Variants in CCDC63 observed in about 807,000 individuals in gnomAD.
CCDC63 encodes the protein coiled-coil domain-containing protein 63.
In CCDC63, 54 loss-of-function variants were observed where a neutral mutation model predicts 63.6. The ratio of observed to expected loss-of-function variants is 0.85; its 90% CI spans 0.68 to 1.07. The LOEUF is 1.07. Ranked by LOEUF, CCDC63 falls within the 50% of genes least tolerant of loss-of-function variation. The pLI is 0.00. For synonymous variants in CCDC63, 253 were observed against 266.1 expected (o/e 0.95, Z 0.48); for missense variants, 637 against 689.6 (o/e 0.92, Z 0.86).
chr12:110,892,975 A>C, intron 8 of CCDC63, 101 bp from the exon 9 acceptor site: 1 of 909,240 alleles, frequency 1.1e-6, no homozygotes, highest in Non-Finnish European at 1.7e-6. Flanking sequence ...GAAACGGATC[A>C]TTGAAATCCT....
intron 10 of CCDC63, among the ~76,000 whole-genome samples, chr12:110,904,206 G>A (rs1206797951): frequency 6.6e-6 from 1 of 151,992 alleles, no homozygotes; most frequent in African/African-American, 2.4e-5. Context: ...GCTGGGCACG[G>A]TGTCATATGT....
rs73421321 is a variant in CCDC63, at chr12:110,853,941, C to G, written c.179+367C>G. Among the ~76,000 whole-genome samples, 996 of 152,242 alleles carry G rather than the reference C, an allele frequency of 6.5e-3. 6 individuals carry two copies. The highest frequency in any genetic ancestry group is 0.022 in the African/African-American group (901 of 41,532). On this transcript the variant is annotated intron_variant, in intron 3 of 11. Coordinates refer to ENST00000308208, the MANE Select transcript of CCDC63 (RefSeq NM_152591.3). ...CCTCAGCTGGTGGGAAGTGGCTGCT[C>G]CAGCTCTCAAGTTTACCAGCTGCAC...
intron 4 of CCDC63, among the ~76,000 whole-genome samples, chr12:110,861,674 C>T (rs1473838349): frequency 1.3e-5 from 2 of 151,748 alleles, no homozygotes; most frequent in South Asian, 2.1e-4. Context: ...TGGGTTCAAG[C>T]GATTCTCCTG....
intron 9 of CCDC63, among the ~76,000 whole-genome samples, chr12:110,896,304 C>G (rs993994631): frequency 2.6e-5 from 4 of 152,112 alleles, no homozygotes; most frequent in African/African-American, 9.7e-5. Flanking sequence ...CCATGCCTGG[C>G]CTAATGCATC....
chr12:110,880,779 A>G (rs367704410), intron 6 of CCDC63, among the ~76,000 whole-genome samples: 9 of 45,584 alleles, frequency 2.0e-4, no homozygotes, highest in Non-Finnish European at 3.1e-4. Flanking sequence ...GATAATGATG[A>G]TGGTGGTGAT....
intron 4 of CCDC63, among the ~76,000 whole-genome samples, chr12:110,867,404 C>G (rs1475114344): frequency 8.0e-6 from 1 of 124,650 alleles, no homozygotes; most frequent in Non-Finnish European, 1.7e-5. Flanking sequence ...GGGGGGCTGA[C>G]CCCCCCATCT....
In CCDC63 at chr12:110,889,405, G is replaced by A. The variant is rs901704482; in HGVS notation, c.1075-3671G>A. ...AAGATGAAGTCGCACAGCGTAAGAC[G>A]GGTTTTGGAGCCGGTTGGGGCCCCG... On this transcript the variant is annotated intron_variant, in intron 8 of 11. Coordinates refer to ENST00000308208, the MANE Select transcript of CCDC63 (RefSeq NM_152591.3). The surrounding 1 kb of genome is among the most constrained non-coding windows in gnomAD (Gnocchi z 4.1). 4.6e-5 allele frequency among the ~76,000 whole-genome samples: 7 copies of A among 152,186 alleles called. No individual in the cohort carries two copies. The highest frequency in any genetic ancestry group is 8.8e-5 in the Non-Finnish European group (6 of 68,042).
intron 4 of CCDC63, among the ~76,000 whole-genome samples, chr12:110,870,388 T>C (rs764083359): frequency 5.3e-5 from 8 of 152,228 alleles, no homozygotes; most frequent in Non-Finnish European, 1.2e-4. Context: ...AGTCCTTTAT[T>C]AGGATTTCAC....
intron 6 of CCDC63, among the ~76,000 whole-genome samples, 158 bp from the exon 7 acceptor site, chr12:110,880,957 G>A (rs1356700361): frequency 1.3e-5 from 2 of 150,476 alleles, no homozygotes; most frequent in African/African-American, 4.9e-5. Context: ...AGCTCCTGTT[G>A]TTCAGGTAAG....
chr12:110,880,162 C>A (rs946465885), intron 6 of CCDC63, 75 bp downstream of exon 6: 2 of 1,274,560 alleles, frequency 1.6e-6, no homozygotes, highest in East Asian at 2.3e-5. Flanking sequence ...TACTCTGGGC[C>A]ACCACTGTCC....
chr12:110,851,192 AT>A, intron 1 of CCDC63, among the ~76,000 whole-genome samples: 1 of 152,280 alleles, frequency 6.6e-6, no homozygotes, highest in South Asian at 2.1e-4. Flanking sequence ...CTTTAATGGA[AT>A]ATACTGATTT....
upstream of CCDC63, among the ~76,000 whole-genome samples, chr12:110,845,136 T>G (rs183023458): frequency 6.6e-6 from 1 of 152,328 alleles, no homozygotes; most frequent in East Asian, 1.9e-4. Flanking sequence ...GCATGGCGGC[T>G]GCTGAGAGCT....
At chr12:110,905,084 C>T (rs1288856947) in intron 11 of CCDC63, among the ~76,000 whole-genome samples, 2 of 151,990 alleles carry the variant, frequency 1.3e-5, no homozygotes, top group Non-Finnish European at 2.9e-5. Flanking sequence ...TTAAAATGAA[C>T]CTTAAAATAT....
rs146826283 is a variant in CCDC63, at chr12:110,851,799, A to T, written c.-96-1060A>T. Among the ~76,000 whole-genome samples the T allele has an allele frequency of 4.5e-3, 688 of 152,322 alleles. 6 individuals are homozygous for T. Among genetic ancestry groups the T allele is most frequent in the African/African-American group, 0.015 (644 of 41,574 alleles). ...TGAGCACTTACTACGTCCCAAGCAC[A>T]GTGCTGAGTGTCTTACACACTCAAT... On this transcript the variant is annotated intron_variant, in intron 1 of 11. Transcript: ENST00000308208.
chr12:110,877,540 C>A (rs2071146669), intron 5 of CCDC63, among the ~76,000 whole-genome samples: 1 of 151,544 alleles, frequency 6.6e-6, no homozygotes, highest in Admixed American at 6.6e-5. Context: ...CAATTAGAGT[C>A]CCTGGAGTCC....
intron 5 of CCDC63, among the ~76,000 whole-genome samples, chr12:110,878,261 CACAT>C (rs1390784225): frequency 1.3e-5 from 2 of 152,034 alleles, no homozygotes; most frequent in African/African-American, 4.8e-5. Flanking sequence ...CATACATATA[CACAT>C]ACATATATAC....
intron 7 of CCDC63, among the ~76,000 whole-genome samples, chr12:110,881,548 C>T (rs2071209593): frequency 6.6e-6 from 1 of 151,986 alleles, no homozygotes; most frequent in South Asian, 2.1e-4. Flanking sequence ...GGTGAAACCC[C>T]GTCTCTACTA....
At chr12:110,849,414 G>C (rs1161086529) in intron 1 of CCDC63, among the ~76,000 whole-genome samples, 1 of 152,050 alleles carries the variant, frequency 6.6e-6, no homozygotes, top group African/African-American at 2.4e-5. Flanking sequence ...GGTCATGGGA[G>C]GGTTGCCACT....
intron 4 of CCDC63, among the ~76,000 whole-genome samples, chr12:110,863,845 G>A (rs1344317140): frequency 1.3e-5 from 2 of 152,162 alleles, no homozygotes; most frequent in Admixed American, 6.5e-5. Flanking sequence ...CCAACCTCCA[G>A]GGATGGTTTA....
Sources: allele counts gnomAD v4.1 joint callset (sites outside exome capture counted in the v4.1 genomes callset), GRCh38; gene constraint gnomAD v4.1.1; non-coding constraint Gnocchi (gnomAD v3.1); transcripts MANE v1.5; gene names NCBI Gene and HGNC (gene_info 2026-07-23, HGNC 2026-07-21).